Variants in SOX6 observed in about 807,000 individuals in gnomAD.
SOX6 encodes the protein SRY-box transcription factor 6, also known as transcription factor SOX-6.
SOX6 carries 11 observed loss-of-function variants against 97.8 expected under a neutral mutation model. The ratio of observed to expected loss-of-function variants is 0.11; its 90% CI spans 0.07 to 0.19. The LOEUF is 0.19. Among genes scored for constraint, SOX6 ranks in the 10% least tolerant of loss-of-function variants. The pLI is 1.00. For synonymous variants in SOX6, 360 were observed against 371.4 expected (o/e 0.97, Z 0.35); for missense variants, 810 against 1,039.5 (o/e 0.78, Z 3.04).
intron 13 of SOX6, among the ~76,000 whole-genome samples, chr11:16,007,231 C>G (rs1464389347): frequency 2.0e-5 from 3 of 152,060 alleles, no homozygotes; most frequent in African/African-American, 7.2e-5. Context: ...GTCCATTGCT[C>G]CTAGACTACA....
intron 4 of SOX6, among the ~76,000 whole-genome samples, chr11:16,188,780 T>C (rs1252867474): frequency 6.6e-6 from 1 of 152,064 alleles, no homozygotes; most frequent in Non-Finnish European, 1.5e-5. Flanking sequence ...TTTGAAGAGA[T>C]AGGCTGGGCA....
chr11:16,434,344 A>C (rs1039190405), intron 1 of SOX6: 1 of 152,042 alleles, frequency 6.6e-6, no homozygotes, highest in African/African-American at 2.4e-5. Context: ...AGATTGTCAA[A>C]ATTCAAAAAA....
chr11:16,455,843 A>T (rs1045037692), intron 1 of SOX6, among the ~76,000 whole-genome samples: 2 of 152,120 alleles, frequency 1.3e-5, no homozygotes, highest in Non-Finnish European at 2.9e-5. Context: ...ATTACTATTA[A>T]CATGTGTTAT....
intron 4 of SOX6, among the ~76,000 whole-genome samples, chr11:16,551,460 T>C (rs1016134328): frequency 6.6e-6 from 1 of 152,102 alleles, no homozygotes; most frequent in African/African-American, 2.4e-5. Flanking sequence ...GGCAAAGATT[T>C]TCAGATTGTC....
intron 6 of SOX6, among the ~76,000 whole-genome samples, chr11:16,150,337 A>G (rs889415464): frequency 5.3e-5 from 8 of 152,222 alleles, no homozygotes; most frequent in Admixed American, 2.6e-4. Context: ...TTTTAGCACA[A>G]ATAGAAATGG....
At position 16,318,632 on chromosome 11, in the gene SOX6, A is replaced by G. The variant is rs369292252; in HGVS notation, c.259T>C (p.Cys87Arg). The G allele has an allele frequency of 6.2e-7, 1 of 1,612,810 alleles. No individual in the cohort carries two copies. Among genetic ancestry groups the G allele is most frequent in the Non-Finnish European group, 8.5e-7 (1 of 1,179,134 alleles). Residue 87 changes from cysteine (C) to arginine (R), a missense_variant, in exon 3 of 16, where the codon TGT (cysteine) becomes CGT (arginine). Coordinates refer to ENST00000683767, the MANE Select transcript of SOX6 (RefSeq NM_001367873.1). ...GTATTTCGGAAGGAATATAGGGAAC[A>G]TAACTTATTATTCTCTGATTCCTAG... ...QRMESENNKLCSLYSFRNTST... is the reference protein window; with the variant it reads ...QRMESENNKLRSLYSFRNTST...
chr11:16,542,988 C>A (rs1861430693), intron 4 of SOX6, among the ~76,000 whole-genome samples: 1 of 151,776 alleles, frequency 6.6e-6, no homozygotes, highest in Admixed American at 6.6e-5. Flanking sequence ...ATTTCCAAAT[C>A]AAGAACAGTC....
chr11:16,578,283 T>G (rs774807314), intron 4 of SOX6, among the ~76,000 whole-genome samples: 2 of 152,214 alleles, frequency 1.3e-5, no homozygotes, highest in Non-Finnish European at 2.9e-5. Context: ...GTTACTTGTC[T>G]ATGAGCATAA....
intron 4 of SOX6, among the ~76,000 whole-genome samples, chr11:16,199,716 C>G (rs766135709): frequency 1.3e-4 from 20 of 152,080 alleles, no homozygotes; most frequent in Non-Finnish European, 2.6e-4. Context: ...GGTCCGTGAA[C>G]AGTAAAAGAA....
intron 9 of SOX6, among the ~76,000 whole-genome samples, chr11:16,089,797 C>G (rs148604802): frequency 4.7e-4 from 71 of 152,160 alleles, no homozygotes; most frequent in African/African-American, 1.7e-3. Flanking sequence ...TCTGCCTATT[C>G]TGTTACCTGG....
At chr11:16,664,301 G>C (rs1295196852) in intron 3 of SOX6, among the ~76,000 whole-genome samples, 1 of 152,162 alleles carries the variant, frequency 6.6e-6, no homozygotes, top group East Asian at 1.9e-4. Flanking sequence ...GGGTGGAAAA[G>C]CCAGTCTTGA....
intron 1 of SOX6, among the ~76,000 whole-genome samples, chr11:16,370,041 C>G (rs1054849584): frequency 1.2e-4 from 18 of 152,054 alleles, no homozygotes; most frequent in African/African-American, 4.3e-4. Context: ...AGCTGGCCAC[C>G]ATCCTCTCAG....
intron 1 of SOX6, among the ~76,000 whole-genome samples, chr11:16,430,454 C>T (rs1354617512): frequency 6.6e-6 from 1 of 152,120 alleles, no homozygotes; most frequent in East Asian, 1.9e-4. Flanking sequence ...ATGTTGAAAT[C>T]CTCATCCTCA....
At chr11:16,628,788 A>C (rs970194699) in intron 3 of SOX6, among the ~76,000 whole-genome samples, 9 of 152,076 alleles carry the variant, frequency 5.9e-5, no homozygotes, top group African/African-American at 2.2e-4. Context: ...GTCATCTATG[A>C]TTTCTTTTAG....
At chr11:16,061,199 G>A (rs956908369) in intron 9 of SOX6, among the ~76,000 whole-genome samples, 14 of 150,926 alleles carry the variant, frequency 9.3e-5, no homozygotes, top group African/African-American at 3.4e-4. Flanking sequence ...CTAGACAGCT[G>A]CTCAGTAACT....
chr11:16,111,510 C>T (rs1369818946), intron 7 of SOX6, among the ~76,000 whole-genome samples: 1 of 152,048 alleles, frequency 6.6e-6, no homozygotes, highest in African/African-American at 2.4e-5. Flanking sequence ...CAATTATTCA[C>T]AGTAAAAGTA....
At chr11:16,496,252 T>C (rs948718891) in intron 4 of SOX6, among the ~76,000 whole-genome samples, 2 of 146,398 alleles carry the variant, frequency 1.4e-5, no homozygotes, top group African/African-American at 5.1e-5. Context: ...ACTTATGAAA[T>C]CCCAGAAAAA....
At chr11:16,689,781 G>A (rs1847998490) in intron 3 of SOX6, among the ~76,000 whole-genome samples, 4 of 152,034 alleles carry the variant, frequency 2.6e-5, no homozygotes. Flanking sequence ...CAATTAAGAA[G>A]ATTGTTTACC....
At chr11:16,595,959 C>G (rs1488337850) in intron 4 of SOX6, among the ~76,000 whole-genome samples, 1 of 152,168 alleles carries the variant, frequency 6.6e-6, no homozygotes, top group Admixed American at 6.5e-5. Flanking sequence ...AATAACCACT[C>G]TGAGGATTAA....
Sources: gnomAD v4.1 joint callset for allele counts (sites outside exome capture counted in the v4.1 genomes callset) on GRCh38, gnomAD v4.1.1 for gene constraint, MANE v1.5 for transcripts, NCBI Gene and HGNC (gene_info 2026-07-23, HGNC 2026-07-21) for gene names.